Variants in FMN2 observed in about 807,000 individuals in gnomAD.
The protein encoded by FMN2 is formin 2, also known as formin-2.
Under a neutral mutation model 142.3 loss-of-function variants are expected in FMN2, and 51 were observed. The observed-to-expected ratio is 0.36, with a 90% CI of 0.29 to 0.45. The LOEUF is 0.45. Among genes scored for constraint, FMN2 ranks in the 20% least tolerant of loss-of-function variants. The probability of loss-of-function intolerance (pLI) is 1.00; values close to 1 mark genes in which losing one functional copy is unlikely to be tolerated. For synonymous variants in FMN2, 882 were observed against 869.8 expected, an observed-to-expected ratio of 1.01 and a Z score of -0.25; for missense variants, 1,936 against 2,122.8, an observed-to-expected ratio of 0.91 and a Z score of 1.73.
At chr1:240,285,221 T>G (rs1283937198) in intron 7 of FMN2, 1 of 455,404 alleles carries the variant, frequency 2.2e-6, no homozygotes, top group Admixed American at 2.4e-5. Flanking sequence ...ATATTCTGGA[T>G]GTGTTTGGAA....
At chr1:240,249,120 A>G (rs1355626628) in intron 6 of FMN2, among the ~76,000 whole-genome samples, 2 of 151,946 alleles carry the variant, frequency 1.3e-5, no homozygotes, top group Non-Finnish European at 2.9e-5. Flanking sequence ...CCATTTGTCT[A>G]TTTTTGTTTT....
At chr1:240,385,085 A>G (rs1415628532) in intron 14 of FMN2, among the ~76,000 whole-genome samples, 1 of 152,202 alleles carries the variant, frequency 6.6e-6, no homozygotes, top group African/African-American at 2.4e-5. Context: ...TTTTGTCTGT[A>G]GGATTGGAAT....
At chr1:240,341,116 CTG>C (rs1671727263) in intron 13 of FMN2, among the ~76,000 whole-genome samples, 1 of 152,126 alleles carries the variant, frequency 6.6e-6, no homozygotes, top group Non-Finnish European at 1.5e-5. Context: ...TCTCTTGACT[CTG>C]TTAATTCTAA....
rs376076479 is a variant in FMN2, at chr1:240,474,190, C to T, written c.*36C>T. 2.0e-5 allele frequency: 31 copies of T among 1,529,096 alleles called. No homozygotes were observed. The Admixed American group carries it at 5.2e-4, about 26-fold the overall frequency. 94.7% of individuals were successfully genotyped at this position (1,529,096 alleles called of 1,614,324 possible). ...GCAGAATGAAAATGAGTCATTGCAA[C>T]GACTTTCACAAAATTCAGCTGACCT... is the stretch of plus-strand genomic sequence containing the variant. On this transcript the variant is annotated 3_prime_UTR_variant, in exon 18 of 18. Transcript: ENST00000319653.
rs753082848 is a variant in FMN2, at chr1:240,211,221, A to G, written c.4051A>G (p.Thr1351Ala). ...ACCTATCTCTGATACTATCTCAAAG[A>G]CGAAGGCTAAACAAGTGAGTATTTT... ...KKPISDTISK[T>A]KAKQVVKLLS... Residue 1351 changes from threonine to alanine, a missense_variant, in exon 6 of 18, where the codon ACG (threonine) becomes GCG (alanine). Physicochemically the swap from Thr to Ala is moderately conservative, Grantham distance 58. Coordinates refer to ENST00000319653, the MANE Select transcript of FMN2 (RefSeq NM_020066.5). 8.1e-6 allele frequency: 13 copies of G among 1,611,802 alleles called. No individual in the cohort carries two copies. Among genetic ancestry groups the G allele is most frequent in the South Asian group, 3.3e-5 (3 of 90,430 alleles).
intron 14 of FMN2, among the ~76,000 whole-genome samples, chr1:240,377,045 T>G (rs1384969238): frequency 2.0e-5 from 3 of 152,196 alleles, no homozygotes; most frequent in Admixed American, 2.0e-4. Context: ...CTACTTGCAT[T>G]TAAGTCATTA....
chr1:240,466,317 A>G (rs1303345547), intron 16 of FMN2, among the ~76,000 whole-genome samples: 1 of 152,208 alleles, frequency 6.6e-6, no homozygotes, highest in African/African-American at 2.4e-5. Context: ...TGAAGCTGTT[A>G]CCACTTAGAA....
rs568055193 is a variant in FMN2 at position 240,461,340 on chromosome 1, C to T, written c.5061-11032C>T. 4.5e-4 allele frequency among the ~76,000 whole-genome samples: 68 copies of T among 152,114 alleles called. 3 individuals carry two copies. The South Asian group carries it at 0.013, about 28-fold the overall frequency. ...CAATATCTACCTTAGGGGGTTACTGCGAAATTTAAAGGAGATGGTTATCTG... is the reference window on the plus strand; with the variant it reads ...CAATATCTACCTTAGGGGGTTACTGTGAAATTTAAAGGAGATGGTTATCTG... On this transcript the variant is annotated intron_variant, in intron 16 of 17. Transcript: ENST00000319653.
chr1:240,221,391 C>A (rs1184882484), intron 6 of FMN2, among the ~76,000 whole-genome samples: 1 of 152,150 alleles, frequency 6.6e-6, no homozygotes, highest in African/African-American at 2.4e-5. Flanking sequence ...TATTTCCCAA[C>A]TTTTTAATGA....
chr1:240,347,433 C>T (rs1671944060), intron 13 of FMN2, among the ~76,000 whole-genome samples: 5 of 152,202 alleles, frequency 3.3e-5, no homozygotes, highest in Admixed American at 3.3e-4. Context: ...TATATCCATT[C>T]GGAATCCTCT....
chr1:240,382,877 G>A (rs1375343358), intron 14 of FMN2, among the ~76,000 whole-genome samples: 1 of 151,878 alleles, frequency 6.6e-6, no homozygotes, highest in Admixed American at 6.6e-5. Flanking sequence ...CAAGACTATA[G>A]TAACCCAAAC....
At chr1:240,288,556 A>G (rs918394108) in intron 7 of FMN2, among the ~76,000 whole-genome samples, 1 of 152,044 alleles carries the variant, frequency 6.6e-6, no homozygotes, top group Admixed American at 6.6e-5. Context: ...AGCCCCTCAG[A>G]TGGTCCCTGG....
In FMN2 at chr1:240,329,066, G is replaced by A. The variant is rs1331380431; in HGVS notation, c.4216-10G>A. 1.2e-6 allele frequency: 2 copies of A among 1,612,036 alleles called. No homozygotes were observed. Among genetic ancestry groups the A allele is most frequent in the South Asian group, 2.2e-5 (2 of 90,714 alleles). On this transcript the variant is annotated splice_polypyrimidine_tract_variant and intron_variant, in intron 8 of 17. Coordinates refer to ENST00000319653, the MANE Select transcript of FMN2 (RefSeq NM_020066.5). The stretch of plus-strand genomic sequence containing the variant: ...GACTTTGAAAAACTATTTGGTTTTT[G>A]TTTTTCTAGAGAGCACAGTCAGACG...
At chr1:240,378,158 A>G (rs1242426919) in intron 14 of FMN2, among the ~76,000 whole-genome samples, 2 of 149,486 alleles carry the variant, frequency 1.3e-5, no homozygotes, top group Non-Finnish European at 3.0e-5. Context: ...TTTTATTATT[A>G]TTATTTTTTT....
intron 15 of FMN2, among the ~76,000 whole-genome samples, chr1:240,421,740 G>T (rs572422075): frequency 1.1e-3 from 163 of 152,120 alleles, no homozygotes; most frequent in African/African-American, 3.8e-3. Context: ...ACCACAAGCA[G>T]GTACAACCAA....
At chr1:240,167,847 C>G (rs933770107) in intron 2 of FMN2, among the ~76,000 whole-genome samples, 1 of 151,922 alleles carries the variant, frequency 6.6e-6, no homozygotes, top group Non-Finnish European at 1.5e-5. Flanking sequence ...GAGGCCGAGG[C>G]GAGTGGATCG....
At chr1:240,367,182 T>C (rs1235889436) in intron 14 of FMN2, among the ~76,000 whole-genome samples, 1 of 152,196 alleles carries the variant, frequency 6.6e-6, no homozygotes, top group Non-Finnish European at 1.5e-5. Flanking sequence ...CTGATTATTT[T>C]TGAGAAATCA....
At chr1:240,245,918 C>T (rs897025229) in intron 6 of FMN2, among the ~76,000 whole-genome samples, 13 of 149,716 alleles carry the variant, frequency 8.7e-5, no homozygotes, top group African/African-American at 2.7e-4. Flanking sequence ...CAGTGGCTTA[C>T]GCCTGTAATC....
At chr1:240,274,320 A>G (rs971813849) in intron 7 of FMN2, among the ~76,000 whole-genome samples, 5 of 152,076 alleles carry the variant, frequency 3.3e-5, no homozygotes, top group Non-Finnish European at 7.4e-5. Context: ...GCTGAAGGCC[A>G]TGACAGAAGG....
Sources: gnomAD v4.1 joint callset for allele counts (sites outside exome capture counted in the v4.1 genomes callset) on GRCh38, gnomAD v4.1.1 for gene constraint, MANE v1.5 for transcripts, NCBI Gene and HGNC (gene_info 2026-07-23, HGNC 2026-07-21) for gene names.